The following FAP variants were observed in gnomAD, a reference collection of about 807,000 sequenced individuals.
FAP encodes the protein prolyl endopeptidase FAP.
A neutral mutation model predicts 126.5 loss-of-function variants in FAP; 110 were observed. The observed-to-expected ratio is 0.87, with a 90% CI of 0.74 to 1.02. FAP has a LOEUF of 1.02. FAP is among the 50% of genes least tolerant of loss of function. The pLI, the probability that FAP is intolerant of heterozygous loss-of-function variation, is 0.00. For missense variants in FAP, 919 were observed against 909.2 expected (o/e 1.01, Z -0.14); for synonymous variants, 334 against 297.3 (o/e 1.12, Z -1.27).
intron 14 of FAP, among the ~76,000 whole-genome samples, chr2:162,201,401 C>T (rs183698096): frequency 4.5e-4 from 69 of 152,280 alleles, no homozygotes; most frequent in African/African-American, 6.7e-4. Flanking sequence ...GTTTTTAGCA[C>T]GAAATTTATT....
At chr2:162,240,900 A>G (rs1004275582) in intron 2 of FAP, among the ~76,000 whole-genome samples, 6 of 152,142 alleles carry the variant, frequency 3.9e-5, no homozygotes, top group African/African-American at 1.2e-4. Flanking sequence ...GGCACTCCAG[A>G]CGGGAGATGA....
chr2:162,222,237 C>T (rs1238793462), intron 6 of FAP, among the ~76,000 whole-genome samples: 1 of 152,170 alleles, frequency 6.6e-6, no homozygotes, highest in African/African-American at 2.4e-5. Flanking sequence ...TAAGATTCCC[C>T]ACTCACTAAT....
intron 2 of FAP, among the ~76,000 whole-genome samples, 162 bp downstream of exon 2, chr2:162,242,746 T>C (rs1245712762): frequency 1.3e-5 from 2 of 152,176 alleles, no homozygotes; most frequent in African/African-American, 4.8e-5. Flanking sequence ...GTATTTCTGG[T>C]CTTGCACAAC....
chr2:162,236,068 G>T (rs1690117299), intron 2 of FAP, among the ~76,000 whole-genome samples: 1 of 152,146 alleles, frequency 6.6e-6, no homozygotes, highest in Non-Finnish European at 1.5e-5. Flanking sequence ...TTATGACTAT[G>T]AGGTTTTTGT....
At chr2:162,193,399 C>T (rs1254656835) in intron 17 of FAP, among the ~76,000 whole-genome samples, 8 of 152,034 alleles carry the variant, frequency 5.3e-5, no homozygotes, top group Non-Finnish European at 1.2e-4. Context: ...TATCTGAGGG[C>T]GTACCTATTT....
At chr2:162,241,577 CA>C (rs756956277) in intron 2 of FAP, among the ~76,000 whole-genome samples, 17 of 152,206 alleles carry the variant, frequency 1.1e-4, no homozygotes, top group Admixed American at 2.6e-4. Context: ...GTATCAATTT[CA>C]AGGTTGAGTT....
intron 12 of FAP, among the ~76,000 whole-genome samples, chr2:162,207,127 TAA>T (rs1346648713): frequency 6.6e-6 from 1 of 152,220 alleles, no homozygotes; most frequent in Admixed American, 6.5e-5. Context: ...TTAATTTTAT[TAA>T]GTCACTAGTT....
At chr2:162,213,557 T>C (rs376859994) in intron 11 of FAP, among the ~76,000 whole-genome samples, 96 of 152,192 alleles carry the variant, frequency 6.3e-4, no homozygotes, top group African/African-American at 2.3e-3. Context: ...GTTTAAAACA[T>C]ATATATTTAT....
At chr2:162,212,026 G>T (rs1431285136) in intron 11 of FAP, among the ~76,000 whole-genome samples, 2 of 152,142 alleles carry the variant, frequency 1.3e-5, no homozygotes, top group Non-Finnish European at 2.9e-5. Context: ...AAACAGAGGT[G>T]TTTAGAAATT....
At chr2:162,236,856 C>A (rs1690156291) in intron 2 of FAP, among the ~76,000 whole-genome samples, 1 of 152,088 alleles carries the variant, frequency 6.6e-6, no homozygotes. Flanking sequence ...ATCATCTCAG[C>A]CTCCCAAAGT....
chr2:162,174,951 C>T lies in FAP; in HGVS notation c.1885G>A (p.Val629Ile), dbSNP rs141879753. Residue 629 changes from valine to isoleucine, a missense_variant, in exon 22 of 26, where the codon GTT (valine) becomes ATT (isoleucine). Transcript: ENST00000188790. ...CCAGATGCAAGGGCCAGTGATGAAACGTATCCTCCATAGGACTGTAGAGAC... is the reference window on the plus strand; with the variant it reads ...CCAGATGCAAGGGCCAGTGATGAAATGTATCCTCCATAGGACTGTAGAGAC... ...AIWGWSYGGYVSSLALASGTG... is the reference protein window; with the variant it reads ...AIWGWSYGGYISSLALASGTG... 169 of 1,611,812 alleles carry T rather than the reference C, an allele frequency of 1.0e-4. No homozygotes were observed. Among genetic ancestry groups the T allele is most frequent in the African/African-American group, 4.1e-4 (31 of 74,912 alleles).
chr2:162,190,693 G>C (rs949181366), intron 17 of FAP, among the ~76,000 whole-genome samples: 2 of 151,968 alleles, frequency 1.3e-5, no homozygotes, highest in Non-Finnish European at 2.9e-5. Context: ...TTTAAAAGAG[G>C]GGCTGGATGA....
intron 17 of FAP, chr2:162,194,182 T>G (rs549936646): frequency 6.6e-6 from 1 of 152,364 alleles, no homozygotes; most frequent in African/African-American, 2.4e-5. Flanking sequence ...GTGATGTAGC[T>G]GTTAAAACAA....
At chr2:162,215,032 TA>T (rs3838212) in intron 10 of FAP, among the ~76,000 whole-genome samples, 5,416 of 151,424 alleles carry the variant, frequency 0.036, 478 homozygotes, top group Admixed American at 0.22. Context: ...AATGACACTT[TA>T]AAAAAAAATG....
At chr2:162,216,773 T>C (rs1689174602) in intron 9 of FAP, among the ~76,000 whole-genome samples, 1 of 152,160 alleles carries the variant, frequency 6.6e-6, no homozygotes, top group Non-Finnish European at 1.5e-5. Flanking sequence ...CAAAGAACTG[T>C]TCAACGTCTC....
Position 162,243,396 on chromosome 2 carries a change from C to CGTTGA in FAP, c.-74_-70dup, listed in dbSNP as rs1353417028. ...CGTGGGTCACTGGATCTGTGAAAAC[C>CGTTGA]GTTGAAAAGGACCAAGTCTGTCTTT... On this transcript the variant is annotated 5_prime_UTR_variant, in exon 1 of 26. Coordinates refer to ENST00000188790, the MANE Select transcript of FAP (RefSeq NM_004460.5). 2 of 1,576,702 alleles carry CGTTGA rather than the reference C, an allele frequency of 1.3e-6. No homozygotes were observed. The highest frequency in any genetic ancestry group is 2.8e-5 in the African/African-American group (2 of 72,402).
intron 2 of FAP, among the ~76,000 whole-genome samples, chr2:162,234,788 C>T (rs1252518161): frequency 6.6e-6 from 1 of 152,170 alleles, no homozygotes; most frequent in Non-Finnish European, 1.5e-5. Flanking sequence ...CCCGCCGCTG[C>T]ACCGTAGGAG....
At position 162,170,898 on chromosome 2, in the gene FAP, T is replaced by TA; in HGVS notation, c.*80dup. The TA allele has an allele frequency of 9.5e-7, 1 of 1,057,224 alleles. No homozygotes were observed. The highest frequency in any genetic ancestry group is 1.4e-6 in the Non-Finnish European group (1 of 699,282). 65.5% of individuals were successfully genotyped at this position (1,057,224 alleles called of 1,614,324 possible). A position where few individuals can be genotyped will look rare whatever the true frequency, so the allele number is the denominator to read the frequency against. On this transcript the variant is annotated 3_prime_UTR_variant, in exon 26 of 26. Transcript: ENST00000188790. ...TTGTTTATACTAGCATTTTACAACA[T>TA]AAAAAATAAAATAAGCAAACTGTCT...
Position 162,198,748 on chromosome 2 carries a change from G to A in FAP, c.1402+9C>T, listed in dbSNP as rs775800043. 4.4e-5 allele frequency: 71 copies of A among 1,613,820 alleles called. No individual in the cohort carries two copies. Among genetic ancestry groups the A allele is most frequent in the Middle Eastern group, 1.6e-4 (1 of 6,082 alleles). ...GGGATGCTGTGCTTATGTGAGGTCC[G>A]TTACCTACCGTAGCAGACAAGTGCA... is the stretch of plus-strand genomic sequence containing the variant. On this transcript the variant is annotated intron_variant, in intron 16 of 25. Transcript: ENST00000188790.
Sources: allele counts gnomAD v4.1 joint callset (sites outside exome capture counted in the v4.1 genomes callset), GRCh38; gene constraint gnomAD v4.1.1; transcripts MANE v1.5; gene names NCBI Gene and HGNC (gene_info 2026-07-23, HGNC 2026-07-21).